Variants in CPQ observed in about 807,000 individuals in gnomAD.
The protein encoded by CPQ is Ser-Met dipeptidase.
Under a neutral mutation model 45.7 loss-of-function variants are expected in CPQ, and 37 were observed. The observed-to-expected ratio is 0.81, with a 90% CI of 0.62 to 1.07. The LOEUF is 1.07. CPQ is among the 50% of genes least tolerant of loss of function. The pLI is 0.00. For missense variants in CPQ, 537 were observed against 572.9 expected (o/e 0.94, Z 0.64); for synonymous variants, 186 against 205.8 (o/e 0.90, Z 0.82).
chr8:97,023,008 A>G (rs1563557070), intron 5 of CPQ, among the ~76,000 whole-genome samples: 2 of 147,316 alleles, frequency 1.4e-5, no homozygotes, highest in African/African-American at 4.9e-5. Flanking sequence ...GTATATATAT[A>G]CTATATATAG....
At chr8:96,961,294 T>G (rs1429931382) in intron 4 of CPQ, among the ~76,000 whole-genome samples, 1 of 152,206 alleles carries the variant, frequency 6.6e-6, no homozygotes, top group Non-Finnish European at 1.5e-5. Context: ...TTTCCCTGAT[T>G]GGTAATGAAA....
chr8:96,951,380 G>T (rs1813262756), intron 4 of CPQ, among the ~76,000 whole-genome samples: 1 of 152,110 alleles, frequency 6.6e-6, no homozygotes, highest in Non-Finnish European at 1.5e-5. Flanking sequence ...TCTATGGCCA[G>T]TCTTGCCAAC....
chr8:96,926,625 C>CTCCTT (rs59043894), intron 4 of CPQ, among the ~76,000 whole-genome samples: 8 of 58,442 alleles, frequency 1.4e-4, no homozygotes, highest in African/African-American at 5.0e-4. Flanking sequence ...TTCTTCTTCT[C>CTCCTT]CTCCTTCTCC....
intron 1 of CPQ, among the ~76,000 whole-genome samples, chr8:96,743,264 G>A (rs977618576): frequency 1.7e-3 from 252 of 151,892 alleles, no homozygotes; most frequent in African/African-American, 2.7e-3. Context: ...CCAGTTGATC[G>A]CATCGGCTCC....
At chr8:96,778,223 A>G (rs1364708940) in intron 1 of CPQ, among the ~76,000 whole-genome samples, 2 of 152,070 alleles carry the variant, frequency 1.3e-5, no homozygotes, top group Non-Finnish European at 2.9e-5. Context: ...GTGGAATGTG[A>G]TATATTAATA....
intron 4 of CPQ, among the ~76,000 whole-genome samples, chr8:96,887,254 T>C (rs1452107703): frequency 6.6e-6 from 1 of 152,190 alleles, no homozygotes; most frequent in Non-Finnish European, 1.5e-5. Flanking sequence ...ACAGCTATTG[T>C]AAAAATAGTG....
chr8:96,882,331 A>G (rs1201923947), intron 4 of CPQ, among the ~76,000 whole-genome samples: 3 of 152,264 alleles, frequency 2.0e-5, no homozygotes, highest in Non-Finnish European at 4.4e-5. Flanking sequence ...TCCCTTTAAG[A>G]AACTGATAAC....
At chr8:96,852,209 C>T (rs530758414) in intron 3 of CPQ, among the ~76,000 whole-genome samples, 28 of 152,210 alleles carry the variant, frequency 1.8e-4, no homozygotes, top group Non-Finnish European at 3.5e-4. Context: ...GTTACTGAAT[C>T]CTGTTCCAGC....
intron 1 of CPQ, among the ~76,000 whole-genome samples, chr8:96,764,674 A>G (rs1810445269): frequency 6.6e-6 from 1 of 152,190 alleles, no homozygotes; most frequent in Admixed American, 6.6e-5. Context: ...TTACTGATCA[A>G]TGTTCAGGCC....
chr8:96,899,408 G>T (rs1812485927), intron 4 of CPQ, among the ~76,000 whole-genome samples: 1 of 152,154 alleles, frequency 6.6e-6, no homozygotes, highest in African/African-American at 2.4e-5. Context: ...GACCATTCTT[G>T]CATTGCTATT....
chr8:96,930,879 C>T (rs1277637241), intron 4 of CPQ, among the ~76,000 whole-genome samples: 1 of 152,184 alleles, frequency 6.6e-6, no homozygotes, highest in Non-Finnish European at 1.5e-5. Flanking sequence ...CACAGAGAGA[C>T]ATTTATGGGG....
Position 96,992,256 on chromosome 8 carries a change from G to C in CPQ, c.961+26210G>C, listed in dbSNP as rs192405536. Among the ~76,000 whole-genome samples, 496 of 152,286 alleles carry C rather than the reference G, an allele frequency of 3.3e-3. 7 individuals are homozygous for C. Among genetic ancestry groups the C allele is most frequent in the Non-Finnish European group, 5.4e-3 (368 of 68,022 alleles). On this transcript the variant is annotated intron_variant, in intron 5 of 7. Transcript: ENST00000220763. ...GTGGCTTCTGCCTGAGGATGCACTT[G>C]TGTCTGAGGAGGATCTAGACTGTCC... is the stretch of plus-strand genomic sequence containing the variant.
intron 3 of CPQ, among the ~76,000 whole-genome samples, chr8:96,875,396 C>G (rs1432766487): frequency 6.6e-6 from 1 of 151,826 alleles, no homozygotes; most frequent in East Asian, 1.9e-4. Context: ...AAACAATTTC[C>G]TTTCCCAAAG....
At chr8:96,780,094 T>C (rs1810667722) in intron 1 of CPQ, among the ~76,000 whole-genome samples, 1 of 152,164 alleles carries the variant, frequency 6.6e-6, no homozygotes, top group Non-Finnish European at 1.5e-5. Flanking sequence ...TAAATAAAAA[T>C]GTATTGAGTG....
At chr8:96,938,383 C>T (rs1369616088) in intron 4 of CPQ, among the ~76,000 whole-genome samples, 1 of 152,144 alleles carries the variant, frequency 6.6e-6, no homozygotes, top group Non-Finnish European at 1.5e-5. Flanking sequence ...GGTGACAGAG[C>T]AGGACCCTGG....
At chr8:96,708,571 C>T (rs963036576) in intron 1 of CPQ, among the ~76,000 whole-genome samples, 2 of 151,934 alleles carry the variant, frequency 1.3e-5, no homozygotes, top group African/African-American at 4.8e-5. Flanking sequence ...GATATCTGCT[C>T]CAATCTTCTA....
chr8:97,119,457 A>T (rs1407879541), intron 7 of CPQ, among the ~76,000 whole-genome samples: 1 of 151,596 alleles, frequency 6.6e-6, no homozygotes, highest in East Asian at 1.9e-4. Flanking sequence ...AAAAAAAAAA[A>T]TGGTGGGGGG....
intron 4 of CPQ, among the ~76,000 whole-genome samples, chr8:96,933,403 T>C (rs1360153881): frequency 6.6e-6 from 1 of 152,208 alleles, no homozygotes; most frequent in Non-Finnish European, 1.5e-5. Flanking sequence ...AAATGGAAAG[T>C]GGTCCTGTAT....
At chr8:96,816,023 T>A (rs1586411764) in intron 2 of CPQ, among the ~76,000 whole-genome samples, 1 of 152,096 alleles carries the variant, frequency 6.6e-6, no homozygotes, top group Non-Finnish European at 1.5e-5. Context: ...AAGGCTAGGG[T>A]GGCTGTGGCA....
Sources: gnomAD v4.1 joint callset for allele counts (sites outside exome capture counted in the v4.1 genomes callset) on GRCh38, gnomAD v4.1.1 for gene constraint, MANE v1.5 for transcripts, NCBI Gene and HGNC (gene_info 2026-07-23, HGNC 2026-07-21) for gene names.